PCDHGA9: variants seen among roughly 807,000 people sequenced by gnomAD.
The protein encoded by PCDHGA9 is protocadherin gamma-A9.
Under a neutral mutation model 62.5 loss-of-function variants are expected in PCDHGA9, and 37 were observed. The observed-to-expected ratio is 0.59, with a 90% CI of 0.46 to 0.78. The LOEUF (loss-of-function observed/expected upper bound fraction) is 0.78, where lower values mean the gene tolerates loss of function less well. Among genes scored for constraint, PCDHGA9 ranks in the 30% least tolerant of loss-of-function variants. PCDHGA9 has a pLI of 0.00. For synonymous variants in PCDHGA9, 459 were observed against 484.6 expected, an observed-to-expected ratio of 0.95 and a Z score of 0.69; for missense variants, 1,138 against 1,166.2, an observed-to-expected ratio of 0.98 and a Z score of 0.35.
At position 141,511,130 on chromosome 5, in the gene PCDHGA9, G is replaced by A. The variant is rs777082914; in HGVS notation, c.2756G>A (p.Gly919Asp). ...GKRDGKAPAG[G>D]NGNKKKSGKK... ...CGGGATGGCAAGGCCCCAGCAGGTG[G>A]CAATGGCAACAAGAAGAAGTCGGGC... The change falls in exon 4 of 4, where the codon GGC (glycine) becomes GAC (aspartate). Residue 919 changes from glycine (G) to aspartate (D), a missense_variant. Coordinates refer to ENST00000573521, the MANE Select transcript of PCDHGA9 (RefSeq NM_018921.3). 6.2e-7 allele frequency: 1 copy of A among 1,614,210 alleles called. No homozygotes were observed. The highest frequency in any genetic ancestry group is 1.1e-5 in the South Asian group (1 of 91,090).
intron 1 of PCDHGA9, chr5:141,478,229 T>C: frequency 6.2e-7 from 1 of 1,614,074 alleles, no homozygotes; most frequent in Non-Finnish European, 8.5e-7. Flanking sequence ...TTCTGTGGGG[T>C]TTGTGGTCAC....
intron 1 of PCDHGA9, among the ~76,000 whole-genome samples, chr5:141,446,727 A>G (rs546345866): frequency 6.6e-6 from 1 of 152,258 alleles, no homozygotes; most frequent in African/African-American, 2.4e-5. Context: ...TCGGCCTCCC[A>G]AAGTGTGGGG....
In PCDHGA9 at chr5:141,476,760, CG is replaced by C. The variant is rs1325258321; in HGVS notation, c.2425-18045del. The C allele has an allele frequency of 6.2e-7, 1 of 1,613,706 alleles. No individual in the cohort carries two copies. Among genetic ancestry groups the C allele is most frequent in the African/African-American group, 1.3e-5 (1 of 74,930 alleles). On this transcript the variant is annotated intron_variant, in intron 1 of 3. Coordinates refer to ENST00000573521, the MANE Select transcript of PCDHGA9 (RefSeq NM_018921.3). This position sits in a 1 kb window ranked among gnomAD's most constrained non-coding sequence, Gnocchi z 7.6. ...GAGCCTAGTCTCCAGTTAGTGCTGA[CG>C]GCGTTGGACGGAGGGACCCCAGCTC...
chr5:141,410,238 C>CA, intron 1 of PCDHGA9: 1 of 1,614,046 alleles, frequency 6.2e-7, no homozygotes, highest in Non-Finnish European at 8.5e-7. Context: ...AGCGACCGCC[C>CA]TGTACTCTCT....
intron 1 of PCDHGA9, chr5:141,418,140 A>C (rs1487263767): frequency 6.2e-7 from 1 of 1,613,986 alleles, no homozygotes; most frequent in African/African-American, 1.3e-5. Context: ...GACCGTGAGC[A>C]AATATGCAAA....
intron 1 of PCDHGA9, among the ~76,000 whole-genome samples, chr5:141,474,464 T>C (rs373468290): frequency 6.6e-6 from 1 of 152,252 alleles, no homozygotes; most frequent in African/African-American, 2.4e-5. Context: ...CTATACTCTT[T>C]ATTCTAAATT....
intron 1 of PCDHGA9, among the ~76,000 whole-genome samples, chr5:141,430,247 G>T (rs1003479541): frequency 9.7e-6 from 1 of 102,928 alleles, no homozygotes; most frequent in Non-Finnish European, 1.8e-5. Flanking sequence ...AACTCCTAGG[G>T]AGACATCTCC....
chr5:141,480,371 C>T (rs1562080299), intron 1 of PCDHGA9, among the ~76,000 whole-genome samples: 1 of 151,908 alleles, frequency 6.6e-6, no homozygotes, highest in African/African-American at 2.4e-5. Flanking sequence ...GCTGTGATTG[C>T]ACCACTACAC....
chr5:141,414,900 T>C (rs1402776790), intron 1 of PCDHGA9: 5 of 1,614,170 alleles, frequency 3.1e-6, no homozygotes, highest in Middle Eastern at 1.6e-4. Flanking sequence ...CCACAGACGG[T>C]TCCACAGGCG....
At chr5:141,475,715 C>T (rs989484033) in intron 1 of PCDHGA9, among the ~76,000 whole-genome samples, 1 of 152,366 alleles carries the variant, frequency 6.6e-6, no homozygotes, top group African/African-American at 2.4e-5. Context: ...AGCCTCACAG[C>T]CCCAAGGCTG....
At position 141,465,539 on chromosome 5, in the gene PCDHGA9, T is replaced by C. The variant is rs2099105222; in HGVS notation, c.2425-29268T>C. On this transcript the variant is annotated intron_variant, in intron 1 of 3. Transcript: ENST00000573521. ...GATTCTGGGGAAGTTTTCCCAGGCA[T>C]TTTTTCTGCTGAAGCTTTGGTAACT... Among the ~76,000 whole-genome samples the C allele has an allele frequency of 2.0e-5, 3 of 152,178 alleles. No homozygotes were observed. In the South Asian group the frequency reaches 6.2e-4, roughly 32 times the overall value.
At chr5:141,422,041 G>T in intron 1 of PCDHGA9, 3 of 1,611,632 alleles carry the variant, frequency 1.9e-6, no homozygotes, top group South Asian at 1.1e-5. Context: ...GGATCCAGAC[G>T]AGGGAATCAA....
chr5:141,490,128 C>T lies in PCDHGA9; in HGVS notation c.2425-4679C>T, dbSNP rs970815408. 1.2e-6 allele frequency: 2 copies of T among 1,614,254 alleles called. No homozygotes were observed. Among genetic ancestry groups the T allele is most frequent in the Non-Finnish European group, 8.5e-7 (1 of 1,180,042 alleles). ...CAGTGCGGAACCTCTTTGGCCTAGA[C>T]CCTAGCAGTGGGGCAATCCATGTGT... On this transcript the variant is annotated intron_variant, in intron 1 of 3. Transcript: ENST00000573521. The surrounding 1 kb of genome is among the most constrained non-coding windows in gnomAD (Gnocchi z 5.4).
At position 141,487,488 on chromosome 5, in the gene PCDHGA9, G is replaced by A; in HGVS notation, c.2425-7319G>A. ...GATGTGGGAGGCCACTCTCATGGCT[G>A]TACACCCTTGGCTTCTGCACCCACT... On this transcript the variant is annotated intron_variant, in intron 1 of 3. Transcript: ENST00000573521. This position sits in a 1 kb window ranked among gnomAD's most constrained non-coding sequence, Gnocchi z 5.0. The A allele has an allele frequency of 6.2e-7, 1 of 1,614,204 alleles. No homozygotes were observed. The highest frequency in any genetic ancestry group is 8.5e-7 in the Non-Finnish European group (1 of 1,180,038).
chr5:141,424,434 T>C (rs2096821185), intron 1 of PCDHGA9: 1 of 151,048 alleles, frequency 6.6e-6, no homozygotes, highest in Admixed American at 6.6e-5. Flanking sequence ...GAGGAAATAA[T>C]TGAATTATTG....
chr5:141,502,655 C>T (rs72790073), intron 2 of PCDHGA9, among the ~76,000 whole-genome samples: 29,437 of 152,034 alleles, frequency 0.19, 2,877 homozygotes, highest in Middle Eastern at 0.24. Context: ...AGGCAGCAAC[C>T]CTTCATGCAA....
At position 141,404,856 on chromosome 5, in the gene PCDHGA9, G is replaced by C. The variant is rs1405688914; in HGVS notation, c.1904G>C (p.Arg635Thr). The change falls in exon 1 of 4, where the codon AGA becomes ACA. Residue 635 changes from arginine (R) to threonine (T), a missense_variant. By Grantham distance (71) the Arg-to-Thr change is moderately conservative. Coordinates refer to ENST00000573521, the MANE Select transcript of PCDHGA9 (RefSeq NM_018921.3). ...EVRTARALLD[R>T]DALKQSLVVA... ...CGCACAGCTCGGGCCCTGCTAGATAGAGATGCGCTCAAACAGAGCCTTGTG... is the reference window on the plus strand; with the variant it reads ...CGCACAGCTCGGGCCCTGCTAGATACAGATGCGCTCAAACAGAGCCTTGTG... The C allele has an allele frequency of 6.2e-7, 1 of 1,613,890 alleles. No homozygotes were observed. The highest frequency in any genetic ancestry group is 1.7e-5 in the Admixed American group (1 of 60,026).
Position 141,432,076 on chromosome 5 carries a change from G to T in PCDHGA9, c.2424+26700G>T. ...CCCTATCCACGGAAACTCATATCTC[G>T]CTGAACGTGGCAGACACCAACGACA... On this transcript the variant is annotated intron_variant, in intron 1 of 3. Transcript: ENST00000573521. This position sits in a 1 kb window ranked among gnomAD's most constrained non-coding sequence, Gnocchi z 6.0. 1.2e-6 allele frequency: 2 copies of T among 1,614,160 alleles called. No homozygotes were observed. Among genetic ancestry groups the T allele is most frequent in the Non-Finnish European group, 1.7e-6 (2 of 1,180,024 alleles).
intron 1 of PCDHGA9, chr5:141,410,640 G>T: frequency 1.3e-6 from 2 of 1,599,058 alleles, no homozygotes; most frequent in Non-Finnish European, 1.7e-6. Flanking sequence ...TCTTTTTTGT[G>T]TGTGATTTAT....
Sources: allele counts gnomAD v4.1 joint callset (sites outside exome capture counted in the v4.1 genomes callset), GRCh38; gene constraint gnomAD v4.1.1; non-coding constraint Gnocchi (gnomAD v3.1); transcripts MANE v1.5; gene names NCBI Gene and HGNC (gene_info 2026-07-23, HGNC 2026-07-21).